Variants in CIDEC observed in about 807,000 individuals in gnomAD.
CIDEC encodes the protein cell death inducing DFFA like effector c.
Under a neutral mutation model 21.9 loss-of-function variants are expected in CIDEC, and 11 were observed. The ratio of observed to expected loss-of-function variants is 0.50; its 90% CI spans 0.32 to 0.83. The LOEUF is 0.83. Among genes scored for constraint, CIDEC ranks in the 40% least tolerant of loss-of-function variants. The pLI is 0.04. For missense variants in CIDEC, 302 were observed against 302.3 expected, an observed-to-expected ratio of 1.00 and a Z score of 0.01; for synonymous variants, 127 against 124.9, an observed-to-expected ratio of 1.02 and a Z score of -0.11.
chr3:9,876,665 G>A (rs2082426255), intron 4 of CIDEC, among the ~76,000 whole-genome samples: 1 of 149,438 alleles, frequency 6.7e-6, no homozygotes, highest in South Asian at 2.2e-4. Context: ...GCTGAGGCAG[G>A]AGAATCGCTT....
chr3:9,868,789 G>A (rs1307226567), intron 6 of CIDEC, among the ~76,000 whole-genome samples: 2 of 152,114 alleles, frequency 1.3e-5, no homozygotes, highest in African/African-American at 2.4e-5. Flanking sequence ...AGGGGAAAAA[G>A]CCCAATTTTG....
At chr3:9,873,876 T>C (rs922692654) in intron 4 of CIDEC, among the ~76,000 whole-genome samples, 1 of 152,168 alleles carries the variant, frequency 6.6e-6, no homozygotes, top group African/African-American at 2.4e-5. Flanking sequence ...TTGGATTCAC[T>C]AAGGAACATA....
At chr3:9,878,718 C>T (rs1258201277) in intron 2 of CIDEC, 1 of 1,531,540 alleles carries the variant, frequency 6.5e-7, no homozygotes, top group Non-Finnish European at 8.8e-7. Flanking sequence ...CCCCTCTCCC[C>T]ACCGGGTGCT....
At chr3:9,878,159 T>G in intron 3 of CIDEC, 1 of 426,136 alleles carries the variant, frequency 2.3e-6, no homozygotes, top group Non-Finnish European at 4.3e-6. Context: ...CTTCCCAAAG[T>G]TGTTGTGAGG....
intron 6 of CIDEC, among the ~76,000 whole-genome samples, chr3:9,869,588 CT>C (rs1448997404): frequency 2.6e-5 from 4 of 152,116 alleles, no homozygotes; most frequent in African/African-American, 7.2e-5. Context: ...TAGAAGACTA[CT>C]TAGGAAAACT....
In CIDEC at chr3:9,875,269, C is replaced by T. The variant is rs183872991; in HGVS notation, c.207+1797G>A. ...GCGGGCGCCCGTAGTCCCAGCTACT[C>T]AGGAGGCTGAGGCAGGAGAATGGTG... is the stretch of plus-strand genomic sequence containing the variant. On this transcript the variant is annotated intron_variant, in intron 4 of 6. Coordinates refer to ENST00000336832, the MANE Select transcript of CIDEC (RefSeq NM_001321142.2). Among the ~76,000 whole-genome samples, 5 of 150,686 alleles carry T rather than the reference C, an allele frequency of 3.3e-5. No homozygotes were observed. The East Asian group carries it at 9.9e-4, about 30-fold the overall frequency.
At chr3:9,876,778 A>C (rs1326715769) in intron 4 of CIDEC, among the ~76,000 whole-genome samples, 1 of 151,482 alleles carries the variant, frequency 6.6e-6, no homozygotes, top group Admixed American at 6.6e-5. Flanking sequence ...AAAAAAAAAA[A>C]AAAAAACTAA....
chr3:9,872,258 C>T (rs1218801094), intron 4 of CIDEC, among the ~76,000 whole-genome samples: 3 of 151,706 alleles, frequency 2.0e-5, no homozygotes, highest in African/African-American at 7.3e-5. Flanking sequence ...ACTGCAGTGT[C>T]ACCCTCCTAG....
intron 4 of CIDEC, among the ~76,000 whole-genome samples, chr3:9,870,952 T>G (rs1288325937): frequency 2.1e-5 from 3 of 142,668 alleles, no homozygotes; most frequent in Non-Finnish European, 4.7e-5. Context: ...AATTCATTCT[T>G]TTTTTTTTTT....
intron 6 of CIDEC, among the ~76,000 whole-genome samples, chr3:9,869,524 A>G (rs1316451256): frequency 6.6e-6 from 1 of 152,216 alleles, no homozygotes; most frequent in Non-Finnish European, 1.5e-5. Flanking sequence ...TGCTGGGATT[A>G]CAGGCATGAG....
rs532280721 is a variant in CIDEC at position 9,867,077 on chromosome 3, A to G, written c.*57T>C. 1,843 of 1,584,292 alleles carry G rather than the reference A, an allele frequency of 1.2e-3. 4 individuals are homozygous for G. Among genetic ancestry groups the G allele is most frequent in the Non-Finnish European group, 1.4e-3 (1,596 of 1,154,748 alleles). ...GCCAGGCTTGTGGGCACTACCAGTTAAGCGTGAGGCCCCCAGTCAGTCCTT... is the reference window on the plus strand; with the variant it reads ...GCCAGGCTTGTGGGCACTACCAGTTGAGCGTGAGGCCCCCAGTCAGTCCTT... On this transcript the variant is annotated 3_prime_UTR_variant, in exon 7 of 7. Transcript: ENST00000336832.
intron 4 of CIDEC, among the ~76,000 whole-genome samples, chr3:9,874,669 A>T (rs2082395762): frequency 6.6e-6 from 1 of 152,180 alleles, no homozygotes; most frequent in Non-Finnish European, 1.5e-5. Flanking sequence ...TGTACCTACC[A>T]CTTTATTCAA....
In CIDEC at chr3:9,870,322, C is replaced by G. The variant is rs771505745; in HGVS notation, c.208G>C (p.Val70Leu). Residue 70 changes from valine to leucine, a missense_variant and splice_region_variant, in exon 5 of 7, where the codon GTC (valine) becomes CTC (leucine). Transcript: ENST00000336832. Reference protein sequence around the residue: ...AYSLEDLLLKVRDTLMLADKP... With the variant: ...AYSLEDLLLKLRDTLMLADKP... ...TCTGCCAGCATCAGAGTGTCCCGGACCTGGGGAATAAGGTCAGTGATGCTT... is the reference window on the plus strand; with the variant it reads ...TCTGCCAGCATCAGAGTGTCCCGGAGCTGGGGAATAAGGTCAGTGATGCTT... 1 of 1,613,056 alleles carries G rather than the reference C, an allele frequency of 6.2e-7. No homozygotes were observed.
intron 6 of CIDEC, among the ~76,000 whole-genome samples, chr3:9,868,648 C>T (rs1342314909): frequency 6.6e-6 from 1 of 152,164 alleles, no homozygotes; most frequent in African/African-American, 2.4e-5. Flanking sequence ...CTTCTTGAGA[C>T]ATTTGGTTAG....
At chr3:9,868,419 A>T (rs1463033976) in intron 6 of CIDEC, among the ~76,000 whole-genome samples, 1 of 152,262 alleles carries the variant, frequency 6.6e-6, no homozygotes, top group Non-Finnish European at 1.5e-5. Flanking sequence ...AACCTGAATC[A>T]GGCAGGCCTA....
chr3:9,878,790 C>T, intron 2 of CIDEC, 152 bp downstream of exon 2: 1 of 1,536,232 alleles, frequency 6.5e-7, no homozygotes, highest in Non-Finnish European at 8.7e-7. Context: ...CCATGTTTCT[C>T]ATCCCCTGGC....
rs148744468 is a variant in CIDEC at position 9,877,113 on chromosome 3, C to T, written c.160G>A (p.Val54Met). The change falls in exon 4 of 7, where the codon GTG becomes ATG. Residue 54 changes from valine (V) to methionine (M), a missense_variant. Physicochemically the swap from Val to Met is conservative, Grantham distance 21. Coordinates refer to ENST00000336832, the MANE Select transcript of CIDEC (RefSeq NM_001321142.2). ...PCRVSTADRS[V>M]RKGIMAYSLE... Reference sequence around the variant, plus strand: ...CTGTAAGCCATGATGCCCTTCCTCACGCTTCGATCCGCCGTGCTTACGCGG... The same window carrying T: ...CTGTAAGCCATGATGCCCTTCCTCATGCTTCGATCCGCCGTGCTTACGCGG... 1.5e-4 allele frequency: 231 copies of T among 1,553,000 alleles called. 1 individual carries two copies. Among genetic ancestry groups the T allele is most frequent in the Non-Finnish European group, 1.9e-4 (223 of 1,147,708 alleles).
intron 4 of CIDEC, among the ~76,000 whole-genome samples, chr3:9,870,889 C>T (rs2082338817): frequency 6.6e-6 from 1 of 151,766 alleles, no homozygotes; most frequent in African/African-American, 2.4e-5. Context: ...ATCCTTCTAC[C>T]TTGGCCTCCC....
chr3:9,878,926 G>T lies in CIDEC; in HGVS notation c.-26+16C>A. The T allele has an allele frequency of 1.0e-6, 1 of 998,914 alleles. No individual in the cohort carries two copies. Among genetic ancestry groups the T allele is most frequent in the Non-Finnish European group, 1.5e-6 (1 of 657,434 alleles). 61.9% of individuals were successfully genotyped at this position (998,914 alleles called of 1,614,324 possible). A position where few individuals can be genotyped will look rare whatever the true frequency, so the allele number is the denominator to read the frequency against. ...TGAGTCACACCACCTCACACTTCTG[G>T]GGACCGTTCCCTCACCTCTAGTCCA... is the stretch of plus-strand genomic sequence containing the variant. On this transcript the variant is annotated intron_variant, in intron 2 of 6. Coordinates refer to ENST00000336832, the MANE Select transcript of CIDEC (RefSeq NM_001321142.2).
Sources: gnomAD v4.1 joint callset for allele counts (sites outside exome capture counted in the v4.1 genomes callset) on GRCh38, gnomAD v4.1.1 for gene constraint, MANE v1.5 for transcripts, NCBI Gene and HGNC (gene_info 2026-07-23, HGNC 2026-07-21) for gene names.